Variants in TPO observed in about 807,000 individuals in gnomAD.
TPO encodes the protein thyroid peroxidase.
In TPO, 78 loss-of-function variants were observed where a neutral mutation model predicts 96.9. That is an observed-to-expected ratio of 0.81 (90% CI 0.67 to 0.97). The LOEUF is 0.97. Among genes scored for constraint, TPO ranks in the 50% least tolerant of loss-of-function variants. The pLI, the probability that TPO is intolerant of heterozygous loss-of-function variation, is 0.00. For missense variants in TPO, 1,252 were observed against 1,274.8 expected (o/e 0.98, Z 0.27); for synonymous variants, 547 against 538.0 (o/e 1.02, Z -0.23).
At chr2:1,511,310 C>T (rs1258224099) in intron 14 of TPO, among the ~76,000 whole-genome samples, 1 of 36,650 alleles carries the variant, frequency 2.7e-5, no homozygotes, top group African/African-American at 1.2e-4. Context: ...GGGGGTGCCA[C>T]AGCGCAGCCC....
At chr2:1,415,690 A>G (rs906275169) in intron 2 of TPO, among the ~76,000 whole-genome samples, 1 of 152,088 alleles carries the variant, frequency 6.6e-6, no homozygotes, top group Non-Finnish European at 1.5e-5. Flanking sequence ...GGGTCTCTGG[A>G]CACAGTCTTG....
intron 2 of TPO, among the ~76,000 whole-genome samples, chr2:1,419,308 C>G (rs929623084): frequency 2.0e-5 from 3 of 152,146 alleles, no homozygotes; most frequent in Non-Finnish European, 1.5e-5. Context: ...ATGGTCCTTG[C>G]ATCAGACGCC....
At chr2:1,499,037 C>A (rs28912988) in intron 13 of TPO, among the ~76,000 whole-genome samples, 6,993 of 152,180 alleles carry the variant, frequency 0.046, 561 homozygotes, top group African/African-American at 0.16. Context: ...GCCCAAATAC[C>A]CAGACGTTTC....
chr2:1,508,779 CTTCT>C (rs1344822315), intron 14 of TPO, among the ~76,000 whole-genome samples: 1 of 152,106 alleles, frequency 6.6e-6, no homozygotes, highest in East Asian at 1.9e-4. Flanking sequence ...TCTCTCTTTT[CTTCT>C]TTATTAGTCT....
At chr2:1,475,833 C>G (rs1239489940) in intron 7 of TPO, among the ~76,000 whole-genome samples, 1 of 152,216 alleles carries the variant, frequency 6.6e-6, no homozygotes, top group African/African-American at 2.4e-5. Context: ...TCGTTGCTGC[C>G]CCGACCCCCA....
chr2:1,537,742 A>C (rs1680155125), intron 15 of TPO, among the ~76,000 whole-genome samples: 1 of 71,458 alleles, frequency 1.4e-5, no homozygotes, highest in Non-Finnish European at 2.7e-5. Flanking sequence ...AACTGTCTGC[A>C]AACTCCCCAC....
chr2:1,426,391 A>G (rs1354724507), intron 3 of TPO, among the ~76,000 whole-genome samples: 2 of 152,130 alleles, frequency 1.3e-5, no homozygotes, highest in South Asian at 4.2e-4. Flanking sequence ...AGATGCCGGG[A>G]TACAGAGATG....
At chr2:1,466,665 G>T (rs756440682) in intron 7 of TPO, among the ~76,000 whole-genome samples, 3 of 152,302 alleles carry the variant, frequency 2.0e-5, no homozygotes, top group African/African-American at 7.2e-5. Context: ...CAGTTGATGT[G>T]CATAAAGCTG....
chr2:1,396,745 C>T (rs1456313124), intron 1 of TPO, among the ~76,000 whole-genome samples: 4 of 152,164 alleles, frequency 2.6e-5, no homozygotes, highest in Non-Finnish European at 5.9e-5. Flanking sequence ...TGTTAACAAT[C>T]ACGTCCAGCT....
rs1672363043 is a variant in TPO, at chr2:1,496,489, T to C, written c.2216-106T>C. ...TGACCACAGCAGGGCTCCCCGGCCC[T>C]GGCACCAGCCCCTCCAGGGCACAAG... On this transcript the variant is annotated intron_variant, in intron 12 of 16. Coordinates refer to ENST00000329066, the MANE Select transcript of TPO (RefSeq NM_001206744.2). 2 of 1,521,906 alleles carry C rather than the reference T, an allele frequency of 1.3e-6. 1 individual carries two copies. The highest frequency in any genetic ancestry group is 2.3e-5 in the South Asian group (2 of 87,564). The allele number at this position is 1,521,906 out of a possible 1,614,324, so 94.3% of individuals were successfully genotyped here.
intron 14 of TPO, among the ~76,000 whole-genome samples, chr2:1,504,371 C>T (rs908510295): frequency 3.9e-5 from 6 of 152,138 alleles, no homozygotes; most frequent in Non-Finnish European, 5.9e-5. Context: ...CTAGATCACA[C>T]CCCAGACAAA....
chr2:1,457,613 A>C (rs531595011), intron 7 of TPO, among the ~76,000 whole-genome samples: 13 of 150,984 alleles, frequency 8.6e-5, no homozygotes, highest in African/African-American at 2.9e-4. Context: ...CATGTATGAT[A>C]GTGTGTGGGC....
At chr2:1,397,441 C>T (rs186827838) in intron 1 of TPO, among the ~76,000 whole-genome samples, 65 of 152,308 alleles carry the variant, frequency 4.3e-4, no homozygotes, top group Non-Finnish European at 5.7e-4. Flanking sequence ...ATACACCATT[C>T]CCTCCCCAGG....
At chr2:1,492,311 C>G (rs566467745) in intron 10 of TPO, among the ~76,000 whole-genome samples, 1 of 152,154 alleles carries the variant, frequency 6.6e-6, no homozygotes, top group Admixed American at 6.5e-5. Flanking sequence ...CCCGCCATCA[C>G]GCCCAGCTAA....
At chr2:1,379,048 A>G (rs1027266480) in intron 1 of TPO, among the ~76,000 whole-genome samples, 2 of 152,260 alleles carry the variant, frequency 1.3e-5, no homozygotes, top group African/African-American at 4.8e-5. Context: ...TAAAGAGTGA[A>G]GGCCCCAGAA....
Position 1,495,985 on chromosome 2 carries a change from G to C in TPO, c.2007-4G>C. Reference sequence around the variant, plus strand: ...GACCTTACTCACTGTCTCCTTCTCTGGAGGTTTTGGTGGGAGAACAGCCAC... The same window carrying C: ...GACCTTACTCACTGTCTCCTTCTCTCGAGGTTTTGGTGGGAGAACAGCCAC... On this transcript the variant is annotated splice_region_variant and splice_polypyrimidine_tract_variant and intron_variant, in intron 11 of 16. Transcript: ENST00000329066. The C allele has an allele frequency of 6.2e-7, 1 of 1,612,098 alleles. No homozygotes were observed. The highest frequency in any genetic ancestry group is 1.1e-5 in the South Asian group (1 of 90,786).
At chr2:1,415,986 G>A (rs1249703850) in intron 2 of TPO, among the ~76,000 whole-genome samples, 1 of 152,098 alleles carries the variant, frequency 6.6e-6, no homozygotes, top group East Asian at 1.9e-4. Context: ...TCTGAGATCA[G>A]GGAAGCCGTG....
In TPO at chr2:1,428,003, G is replaced by T. The variant is rs75192961; in HGVS notation, c.179+4874G>T. ...AGCTATTGGATGATGTCCCCAAACCGAGAGCGATCCAGAGAATTCGTGGGA... is the reference window on the plus strand; with the variant it reads ...AGCTATTGGATGATGTCCCCAAACCTAGAGCGATCCAGAGAATTCGTGGGA... On this transcript the variant is annotated intron_variant, in intron 3 of 16. Transcript: ENST00000329066. Among the ~76,000 whole-genome samples the T allele has an allele frequency of 5.3e-5, 8 of 152,242 alleles. No homozygotes were observed. In the East Asian group the frequency reaches 1.5e-3, roughly 29 times the overall value.
intron 1 of TPO, among the ~76,000 whole-genome samples, chr2:1,397,069 G>A (rs559403276): frequency 3.2e-4 from 48 of 152,164 alleles, no homozygotes; most frequent in African/African-American, 1.1e-3. Context: ...GCTCATTTTC[G>A]TCATCTGAAA....
Sources: allele counts gnomAD v4.1 joint callset (sites outside exome capture counted in the v4.1 genomes callset), GRCh38; gene constraint gnomAD v4.1.1; transcripts MANE v1.5; gene names NCBI Gene and HGNC (gene_info 2026-07-23, HGNC 2026-07-21).